Variants in BTD observed in about 807,000 individuals in gnomAD.
BTD encodes the protein biocytinase.
A neutral mutation model predicts 17.7 loss-of-function variants in BTD; 13 were observed. That is an observed-to-expected ratio of 0.74 (90% CI 0.48 to 1.17). The LOEUF is 1.17. Among genes scored for constraint, BTD ranks in the 50% most tolerant of loss-of-function variants. The probability of loss-of-function intolerance (pLI) is 0.00; values close to 1 mark genes in which losing one functional copy is unlikely to be tolerated. For missense variants in BTD, 674 were observed against 650.4 expected (o/e 1.04, Z -0.39); for synonymous variants, 240 against 245.2 (o/e 0.98, Z 0.20).
intron 3 of BTD, chr3:15,676,066 A>G: frequency 8.0e-7 from 1 of 1,248,174 alleles, no homozygotes; most frequent in South Asian, 1.5e-5. Flanking sequence ...GCTGTCAAAG[A>G]GCATTTTTGT....
intron 1 of BTD, among the ~76,000 whole-genome samples, chr3:15,605,712 A>C (rs1338192804): frequency 2.0e-5 from 3 of 152,238 alleles, no homozygotes. Flanking sequence ...ATGACATTTT[A>C]AACTGCTTAC....
rs75972118 is a variant in BTD, at chr3:15,607,789, A to G, written c.-17+5895A>G. ...TTAAAAATAAAAAGGCGGAAACAAC[A>G]AAAAAAGGAGTCTATGTAGAACACT... On this transcript the variant is annotated intron_variant, in intron 1 of 3. Coordinates refer to ENST00000643237, the MANE Select transcript of BTD (RefSeq NM_001370658.1). 7.3e-3 allele frequency among the ~76,000 whole-genome samples: 1,105 copies of G among 152,328 alleles called. 11 individuals carry two copies. The highest frequency in any genetic ancestry group is 0.025 in the African/African-American group (1,052 of 41,572).
intron 1 of BTD, chr3:15,602,314 GTATAGAGCACTGTTTTCTCCAGC>G: frequency 9.0e-7 from 1 of 1,114,922 alleles, no homozygotes; most frequent in Non-Finnish European, 1.1e-6. Context: ...CTTGAAGGTA[GTATAGAGCACTGTTTTCTCCAGC>G]CCTTGCTACT....
At position 15,650,549 on chromosome 3, in the gene BTD, T is replaced by C. The variant is rs1004363533; in HGVS notation, c.*5061T>C. ...GGTGTCTCTGGACACAGTATCACAC[T>C]CTACTCTGCACTCTTCTTTATCATT... On this transcript the variant is annotated 3_prime_UTR_variant, in exon 4 of 4. Transcript: ENST00000643237. Among the ~76,000 whole-genome samples, 20 of 152,180 alleles carry C rather than the reference T, an allele frequency of 1.3e-4. No homozygotes were observed. Among genetic ancestry groups the C allele is most frequent in the African/African-American group, 4.8e-4 (20 of 41,438 alleles).
At chr3:15,696,377 C>A (rs1020382428) in intron 3 of BTD, 1 of 554,744 alleles carries the variant, frequency 1.8e-6, no homozygotes, top group African/African-American at 1.9e-5. Context: ...ATGTATTACA[C>A]TATAAAAATG....
intron 3 of BTD, among the ~76,000 whole-genome samples, chr3:15,681,089 G>A (rs1575116697): frequency 6.6e-6 from 1 of 152,140 alleles, no homozygotes. Flanking sequence ...ACTCCCCACT[G>A]ACAGCAAAAC....
intron 1 of BTD, among the ~76,000 whole-genome samples, chr3:15,630,558 TTTGA>T (rs1333363938): frequency 2.6e-5 from 4 of 152,244 alleles, no homozygotes; most frequent in Admixed American, 6.5e-5. Context: ...GTCAAGATCC[TTTGA>T]TTGCACATTT....
intron 3 of BTD, among the ~76,000 whole-genome samples, chr3:15,700,035 C>T (rs946433144): frequency 1.3e-5 from 2 of 152,206 alleles, no homozygotes; most frequent in Non-Finnish European, 2.9e-5. Flanking sequence ...CACATATACA[C>T]CATGGAATAC....
chr3:15,705,052 T>G (rs542223549), intron 3 of BTD, among the ~76,000 whole-genome samples: 34 of 152,310 alleles, frequency 2.2e-4, no homozygotes, highest in Middle Eastern at 6.8e-3. Context: ...CTCAAATGGG[T>G]ACAGTATGGA....
intron 1 of BTD, among the ~76,000 whole-genome samples, chr3:15,619,888 G>C (rs1023124823): frequency 2.6e-5 from 4 of 152,216 alleles, no homozygotes; most frequent in Non-Finnish European, 4.4e-5. Flanking sequence ...TCTCAGACCA[G>C]CAAGTTTTTA....
At chr3:15,602,303 C>T in intron 1 of BTD, 2 of 1,158,674 alleles carry the variant, frequency 1.7e-6, no homozygotes, top group East Asian at 5.1e-5. Flanking sequence ...GAAAAGAGCA[C>T]CTTGAAGGTA....
At chr3:15,670,665 A>T in intron 3 of BTD, 3 of 1,121,962 alleles carry the variant, frequency 2.7e-6, no homozygotes, top group Non-Finnish European at 3.7e-6. Flanking sequence ...TACATTACTT[A>T]GCTTATAATA....
At chr3:15,611,709 C>T (rs1166565304) in intron 1 of BTD, among the ~76,000 whole-genome samples, 1 of 151,022 alleles carries the variant, frequency 6.6e-6, no homozygotes, top group Non-Finnish European at 1.5e-5. Context: ...ATCCAGGAGG[C>T]AGAGGTTGCA....
At chr3:15,602,362 T>C in intron 1 of BTD, 1 of 979,734 alleles carries the variant, frequency 1.0e-6, no homozygotes. Context: ...CATATTACTC[T>C]CCGCTAATAT....
At chr3:15,616,864 A>T (rs2064806603) in intron 1 of BTD, among the ~76,000 whole-genome samples, 2 of 150,876 alleles carry the variant, frequency 1.3e-5, no homozygotes, top group African/African-American at 4.9e-5. Context: ...TTCGAGTCTC[A>T]CTCTGTCACC....
rs191673087 is a variant in BTD, at chr3:15,670,346, T to C, written c.399+28289T>C. On this transcript the variant is annotated intron_variant, in intron 3 of 3. Transcript: ENST00000672141. Reference sequence around the variant, plus strand: ...GTACTCCTGTTCCCCTCCAATGTTATTGAAACTGCAATAGGAGCTAGGTTC... The same window carrying C: ...GTACTCCTGTTCCCCTCCAATGTTACTGAAACTGCAATAGGAGCTAGGTTC... 92 of 1,614,018 alleles carry C rather than the reference T, an allele frequency of 5.7e-5. No individual in the cohort carries two copies. Among genetic ancestry groups the C allele is most frequent in the Admixed American group, 1.3e-4 (8 of 60,020 alleles).
chr3:15,624,116 T>C (rs187468394), intron 1 of BTD, among the ~76,000 whole-genome samples: 137 of 152,360 alleles, frequency 9.0e-4, no homozygotes, highest in African/African-American at 2.4e-3. Flanking sequence ...AGATGTTTTT[T>C]CCCTCTGGCT....
intron 1 of BTD, among the ~76,000 whole-genome samples, chr3:15,625,904 T>G (rs977504682): frequency 6.6e-6 from 1 of 152,198 alleles, no homozygotes; most frequent in African/African-American, 2.4e-5. Flanking sequence ...TCCAAAGTGT[T>G]TGTTTATGAT....
chr3:15,635,795 A>G lies in BTD; in HGVS notation c.249+107A>G. 1.3e-6 allele frequency: 2 copies of G among 1,521,294 alleles called. No individual in the cohort carries two copies. The highest frequency in any genetic ancestry group is 1.8e-6 in the Non-Finnish European group (2 of 1,104,200). 94.2% of individuals were successfully genotyped at this position (1,521,294 alleles called of 1,614,324 possible). A position where few individuals can be genotyped will look rare whatever the true frequency, so the allele number is the denominator to read the frequency against. ...CAGGCTTCCTACCACCCTCTGAAAA[A>G]GCATCCAGGTAGTTAACCTGAGTTG... On this transcript the variant is annotated intron_variant, in intron 2 of 3. Coordinates refer to ENST00000643237, the MANE Select transcript of BTD (RefSeq NM_001370658.1). This position sits in a 1 kb window ranked among gnomAD's most constrained non-coding sequence, Gnocchi z 4.1.
Sources: allele counts gnomAD v4.1 joint callset (sites outside exome capture counted in the v4.1 genomes callset), GRCh38; gene constraint gnomAD v4.1.1; non-coding constraint Gnocchi (gnomAD v3.1); transcripts MANE v1.5; gene names NCBI Gene and HGNC (gene_info 2026-07-23, HGNC 2026-07-21).